TSHZ2: variants seen among roughly 807,000 people sequenced by gnomAD.
TSHZ2 encodes the protein teashirt zinc finger homeobox 2.
In TSHZ2, 21 loss-of-function variants were observed where a neutral mutation model predicts 74.4. The ratio of observed to expected loss-of-function variants is 0.28; its 90% confidence interval spans 0.20 to 0.41. The LOEUF is 0.41. Ranked by LOEUF, TSHZ2 falls within the 10% of genes least tolerant of loss-of-function variation. The pLI is 1.00. For synonymous variants in TSHZ2, 540 were observed against 515.3 expected, an observed-to-expected ratio of 1.05 and a Z score of -0.65; for missense variants, 1,244 against 1,293.5, an observed-to-expected ratio of 0.96 and a Z score of 0.59.
intron 1 of TSHZ2, among the ~76,000 whole-genome samples, chr20:53,025,188 T>C (rs1983394228): frequency 6.6e-6 from 1 of 151,518 alleles, no homozygotes. Context: ...AAATATTATT[T>C]ATATGTAAAA....
chr20:53,316,957 C>T (rs1979050304), intron 2 of TSHZ2, among the ~76,000 whole-genome samples: 1 of 152,018 alleles, frequency 6.6e-6, no homozygotes, highest in Non-Finnish European at 1.5e-5. Context: ...CCTACAATCC[C>T]ACCATTAATG....
At chr20:53,141,601 A>C (rs559554626) in intron 1 of TSHZ2, among the ~76,000 whole-genome samples, 1 of 152,342 alleles carries the variant, frequency 6.6e-6, no homozygotes, top group South Asian at 2.1e-4. Flanking sequence ...TTAACTGTTT[A>C]GAACTCAGCT....
chr20:53,201,907 G>A (rs1012376699), intron 1 of TSHZ2, among the ~76,000 whole-genome samples: 2 of 152,160 alleles, frequency 1.3e-5, no homozygotes, highest in Non-Finnish European at 2.9e-5. Flanking sequence ...GCTGACAACC[G>A]CTGGGGTAGC....
intron 1 of TSHZ2, among the ~76,000 whole-genome samples, chr20:52,992,986 A>G (rs1982048595): frequency 6.6e-6 from 1 of 152,204 alleles, no homozygotes; most frequent in Non-Finnish European, 1.5e-5. Context: ...ATTGGAATTT[A>G]CAGGTTTTTT....
At chr20:53,146,020 G>A (rs1987531467) in intron 1 of TSHZ2, among the ~76,000 whole-genome samples, 1 of 152,172 alleles carries the variant, frequency 6.6e-6, no homozygotes, top group African/African-American at 2.4e-5. Flanking sequence ...TCAGGAAAGG[G>A]TGGATCCAGG....
At chr20:53,063,146 G>C (rs769353721) in intron 1 of TSHZ2, among the ~76,000 whole-genome samples, 41 of 152,232 alleles carry the variant, frequency 2.7e-4, no homozygotes, top group East Asian at 9.6e-4. Context: ...CTGGCACAGA[G>C]ACTTGAAGTG....
At chr20:53,096,148 T>C (rs2123276982) in intron 1 of TSHZ2, among the ~76,000 whole-genome samples, 2 of 152,318 alleles carry the variant, frequency 1.3e-5, no homozygotes, top group Admixed American at 1.3e-4. Flanking sequence ...TCTGTTTGTT[T>C]GTTTGTTTTT....
intron 2 of TSHZ2, among the ~76,000 whole-genome samples, chr20:53,433,584 G>GACAC (rs59162370): frequency 0.069 from 9,404 of 137,038 alleles, 604 homozygotes; most frequent in African/African-American, 0.18. Flanking sequence ...CAGACACACA[G>GACAC]ACACACACAC....
At chr20:53,239,720 A>C (rs189755415) in intron 1 of TSHZ2, among the ~76,000 whole-genome samples, 1 of 152,290 alleles carries the variant, frequency 6.6e-6, no homozygotes, top group African/African-American at 2.4e-5. Context: ...ACAGAATAGC[A>C]AAAAATTACC....
rs57906027 is a variant in TSHZ2, at chr20:53,358,329, CTTTTTTTTT to C, written c.*8+101777_*8+101785del. On this transcript the variant is annotated intron_variant, in intron 2 of 2. Coordinates refer to ENST00000371497, the MANE Select transcript of TSHZ2 (RefSeq NM_173485.6). ...AAAAAAAAAAAAAGTTTCTGTGGTTCTTTTTTTTTTTTTTTTTTTTTTTTTTTCCCAAAC... is the reference window on the plus strand; with the variant it reads ...AAAAAAAAAAAAAGTTTCTGTGGTTCTTTTTTTTTTTTTTTTTTCCCAAAC... Among the ~76,000 whole-genome samples the C allele has an allele frequency of 1.3e-4, 9 of 67,052 alleles. No individual in the cohort carries two copies. In the East Asian group the frequency reaches 4.2e-3, roughly 31 times the overall value. The allele number at this position is 67,052 out of a possible 152,430, so 44.0% of individuals were successfully genotyped here.
rs546253719 is a variant in TSHZ2 at position 53,326,777 on chromosome 20, G to A, written c.*8+70206G>A. On this transcript the variant is annotated intron_variant, in intron 2 of 2. Coordinates refer to ENST00000371497, the MANE Select transcript of TSHZ2 (RefSeq NM_173485.6). ...TGACTCTTGAAGAAAGTAAGAATTA[G>A]GAGAAACCCAGGAGCCTATATCAGC... 1.1e-4 allele frequency among the ~76,000 whole-genome samples: 16 copies of A among 152,328 alleles called. No homozygotes were observed. The South Asian group carries it at 3.3e-3, about 32-fold the overall frequency.
At chr20:53,465,172 A>G (rs1345856990) in intron 2 of TSHZ2, among the ~76,000 whole-genome samples, 3 of 152,224 alleles carry the variant, frequency 2.0e-5, no homozygotes, top group Non-Finnish European at 4.4e-5. Context: ...AACTTCATCC[A>G]TAAGGAGAAA....
At chr20:53,203,162 G>A (rs1989050410) in intron 1 of TSHZ2, among the ~76,000 whole-genome samples, 1 of 151,790 alleles carries the variant, frequency 6.6e-6, no homozygotes, top group Non-Finnish European at 1.5e-5. Flanking sequence ...ACAGGTGCAA[G>A]GCAGAGAACT....
chr20:53,253,098 T>C (rs1450214382), intron 1 of TSHZ2, among the ~76,000 whole-genome samples: 1 of 152,138 alleles, frequency 6.6e-6, no homozygotes, highest in Non-Finnish European at 1.5e-5. Context: ...GAGTCAAGTC[T>C]TAGTCTCCCT....
intron 2 of TSHZ2, among the ~76,000 whole-genome samples, chr20:53,280,796 G>A (rs556937310): frequency 3.6e-4 from 54 of 152,082 alleles, no homozygotes; most frequent in Middle Eastern, 3.4e-3. Flanking sequence ...GGGTTCAAGC[G>A]ATTCTCCTGT....
chr20:53,192,386 T>G (rs1988757072), intron 1 of TSHZ2, among the ~76,000 whole-genome samples: 2 of 151,794 alleles, frequency 1.3e-5, no homozygotes, highest in South Asian at 4.2e-4. Context: ...TGTATTACAT[T>G]GTCACTTTCT....
intron 1 of TSHZ2, among the ~76,000 whole-genome samples, chr20:53,158,004 T>A (rs997047686): frequency 2.6e-5 from 4 of 152,096 alleles, no homozygotes; most frequent in African/African-American, 9.7e-5. Context: ...AGTGGGGGAT[T>A]GTGAATTGCT....
intron 1 of TSHZ2, among the ~76,000 whole-genome samples, chr20:53,082,905 T>C (rs1214535265): frequency 1.3e-5 from 2 of 152,192 alleles, no homozygotes; most frequent in Non-Finnish European, 2.9e-5. Flanking sequence ...TTCAAATTCT[T>C]CTCTGATGGG....
intron 2 of TSHZ2, among the ~76,000 whole-genome samples, chr20:53,479,830 G>A (rs904133824): frequency 2.6e-5 from 4 of 152,160 alleles, no homozygotes; most frequent in African/African-American, 9.7e-5. Context: ...CCAGGGATGA[G>A]GCTGAATATC....
Sources: gnomAD v4.1 joint callset for allele counts (sites outside exome capture counted in the v4.1 genomes callset) on GRCh38, gnomAD v4.1.1 for gene constraint, MANE v1.5 for transcripts, NCBI Gene and HGNC (gene_info 2026-07-23, HGNC 2026-07-21) for gene names.